The following ANO10 variants were observed in gnomAD, a reference collection of about 807,000 sequenced individuals.
ANO10 encodes the protein anoctamin 10, also known as anoctamin-10.
In ANO10, 77 loss-of-function variants were observed where a neutral mutation model predicts 74.7. That is an observed-to-expected ratio of 1.03 (90% CI 0.86 to 1.25). The LOEUF (loss-of-function observed/expected upper bound fraction) is 1.25. Among genes scored for constraint, ANO10 ranks in the 50% most tolerant of loss-of-function variants. The probability of loss-of-function intolerance (pLI) is 0.00; values close to 1 mark genes in which losing one functional copy is unlikely to be tolerated. For missense variants in ANO10, 721 were observed against 778.1 expected (o/e 0.93, Z 0.87); for synonymous variants, 279 against 284.9 (o/e 0.98, Z 0.21).
intron 4 of ANO10, among the ~76,000 whole-genome samples, chr3:43,587,743 G>A (rs1375364544): frequency 6.6e-6 from 1 of 152,070 alleles, no homozygotes; most frequent in African/African-American, 2.4e-5. Flanking sequence ...TCCTGCTAAT[G>A]GGTGACACAG....
chr3:43,521,990 A>G (rs2077977721), intron 11 of ANO10, among the ~76,000 whole-genome samples: 3 of 152,244 alleles, frequency 2.0e-5, no homozygotes, highest in East Asian at 1.9e-4. Flanking sequence ...GATACATACT[A>G]TAACATGGGT....
At chr3:43,555,617 ACC>A in intron 9 of ANO10, 148 bp from the exon 10 acceptor site, 1 of 699,606 alleles carries the variant, frequency 1.4e-6, no homozygotes, top group Non-Finnish European at 2.4e-6. Context: ...AACTTCTGAC[ACC>A]CTCAGGCTTC....
intron 11 of ANO10, among the ~76,000 whole-genome samples, chr3:43,487,447 G>T (rs1230113528): frequency 1.3e-5 from 2 of 151,852 alleles, no homozygotes; most frequent in Non-Finnish European, 2.9e-5. Flanking sequence ...ACTCTTTTTG[G>T]TTGGTAAGCT....
intron 11 of ANO10, among the ~76,000 whole-genome samples, chr3:43,527,987 GA>G (rs1559652165): frequency 6.6e-6 from 1 of 152,042 alleles, no homozygotes; most frequent in Non-Finnish European, 1.5e-5. Flanking sequence ...TCGGAAAGAA[GA>G]AAGCAAAAGG....
At chr3:43,602,218 T>C (rs1195919481) in intron 2 of ANO10, among the ~76,000 whole-genome samples, 1 of 152,218 alleles carries the variant, frequency 6.6e-6, no homozygotes, top group East Asian at 1.9e-4. Flanking sequence ...AATAAACTTC[T>C]TGTTCATCAA....
At chr3:43,523,858 C>T (rs986575374) in intron 11 of ANO10, among the ~76,000 whole-genome samples, 1 of 152,042 alleles carries the variant, frequency 6.6e-6, no homozygotes, top group Non-Finnish European at 1.5e-5. Flanking sequence ...GGTAGATGAG[C>T]TCATCCAGGG....
At chr3:43,401,678 G>C (rs1010043444) in intron 12 of ANO10, among the ~76,000 whole-genome samples, 7 of 152,144 alleles carry the variant, frequency 4.6e-5, no homozygotes, top group Admixed American at 4.6e-4. Context: ...TGCTTCTTTT[G>C]TTATAATTAT....
At chr3:43,547,581 A>T (rs17075812) in intron 11 of ANO10, among the ~76,000 whole-genome samples, 3,436 of 152,214 alleles carry the variant, frequency 0.023, 90 homozygotes, top group African/African-American at 0.062. Flanking sequence ...GTGAAGAGAC[A>T]ATAAATAAAT....
chr3:43,499,830 A>AT lies in ANO10; in HGVS notation c.1797+49889dup, dbSNP rs879361849. On this transcript the variant is annotated intron_variant, in intron 11 of 12. Coordinates refer to ENST00000292246, the MANE Select transcript of ANO10 (RefSeq NM_018075.5). ...TATAGGCTTGTTAATGTACTACTAG[A>AT]TTTTTTTTTTTTTTTGAGACAGAGT... 8.5e-3 allele frequency among the ~76,000 whole-genome samples: 1,222 copies of AT among 143,976 alleles called. 9 individuals are homozygous for AT. The highest frequency in any genetic ancestry group is 0.026 in the African/African-American group (1,012 of 39,424). 94.5% of individuals were successfully genotyped at this position (143,976 alleles called of 152,430 possible).
At chr3:43,379,668 G>C (rs2091905412) in intron 12 of ANO10, among the ~76,000 whole-genome samples, 1 of 152,180 alleles carries the variant, frequency 6.6e-6, no homozygotes, top group African/African-American at 2.4e-5. Context: ...CACGGTGGGA[G>C]GGAGACTGGC....
intron 12 of ANO10, chr3:43,372,690 T>A: frequency 1.5e-6 from 1 of 649,764 alleles, no homozygotes; most frequent in Non-Finnish European, 2.7e-6. Flanking sequence ...TATTCATTGT[T>A]TGCAGATTTT....
Position 43,374,072 on chromosome 3 carries a change from G to T in ANO10, c.1915-7098C>A, listed in dbSNP as rs1301341481. On this transcript the variant is annotated intron_variant, in intron 12 of 12. Transcript: ENST00000292246. ...GAACCCCCAGGCTTCAGCATGGAGT[G>T]GACGCACCCATCTAGATGGTTCCTC... is the stretch of plus-strand genomic sequence containing the variant. 2.6e-5 allele frequency among the ~76,000 whole-genome samples: 4 copies of T among 152,178 alleles called. No homozygotes were observed. In the East Asian group the frequency reaches 7.7e-4, roughly 29 times the overall value.
chr3:43,485,354 G>C (rs2076435719), intron 11 of ANO10: 1 of 486,746 alleles, frequency 2.1e-6, no homozygotes, highest in South Asian at 2.0e-5. Flanking sequence ...CCCATCCAGG[G>C]AGGCGCCCAT....
intron 1 of ANO10, chr3:43,636,250 C>T (rs1186091674): frequency 6.6e-6 from 1 of 152,180 alleles, no homozygotes; most frequent in Non-Finnish European, 1.5e-5. Flanking sequence ...ATAGGAGACA[C>T]CTGCACATCA....
intron 11 of ANO10, among the ~76,000 whole-genome samples, chr3:43,496,847 T>C (rs964874521): frequency 6.6e-6 from 1 of 152,174 alleles, no homozygotes. Context: ...CTCTGATTTT[T>C]GTTCTCTTCT....
chr3:43,530,499 A>G (rs11130004), intron 11 of ANO10, among the ~76,000 whole-genome samples: 74,118 of 150,194 alleles, frequency 0.49, 20,385 homozygotes, highest in East Asian at 0.83. Flanking sequence ...ACACAGATAT[A>G]TAATAGGTAT....
chr3:43,470,612 A>AT (rs2075815093), intron 11 of ANO10, among the ~76,000 whole-genome samples: 1 of 147,844 alleles, frequency 6.8e-6, no homozygotes, highest in Non-Finnish European at 1.5e-5. Context: ...TTATTTATTT[A>AT]TTTATTTATT....
chr3:43,580,295 TC>T (rs1167512517), intron 5 of ANO10, 57 bp downstream of exon 5: 9 of 1,609,792 alleles, frequency 5.6e-6, no homozygotes, highest in Non-Finnish European at 7.6e-6. Flanking sequence ...CACTGCTAGA[TC>T]GTAACTTTTC....
rs2080041962 is a variant in ANO10, at chr3:43,561,634, A to C, written c.1294-232T>G. 2.0e-5 allele frequency among the ~76,000 whole-genome samples: 3 copies of C among 152,190 alleles called. No individual in the cohort carries two copies. In the South Asian group the frequency reaches 6.2e-4, roughly 32 times the overall value. On this transcript the variant is annotated intron_variant, in intron 8 of 12. Coordinates refer to ENST00000292246, the MANE Select transcript of ANO10 (RefSeq NM_018075.5). ...TTATGGTTTTTCACATGAAAGACCAAGATTAAAAGATAAATAAGATTATAA... is the reference window on the plus strand; with the variant it reads ...TTATGGTTTTTCACATGAAAGACCACGATTAAAAGATAAATAAGATTATAA...
Sources: gnomAD v4.1 joint callset for allele counts (sites outside exome capture counted in the v4.1 genomes callset) on GRCh38, gnomAD v4.1.1 for gene constraint, MANE v1.5 for transcripts, NCBI Gene and HGNC (gene_info 2026-07-23, HGNC 2026-07-21) for gene names.